The following DPP6 variants were observed in gnomAD, a reference collection of about 807,000 sequenced individuals.
The protein encoded by DPP6 is A-type potassium channel modulatory protein DPP6.
DPP6 carries 69 observed loss-of-function variants against 122.6 expected under a neutral mutation model. The ratio of observed to expected loss-of-function variants is 0.56; its 90% CI spans 0.46 to 0.69. The LOEUF is 0.69. DPP6 is among the 30% of genes least tolerant of loss of function. The probability of loss-of-function intolerance (pLI) is 0.00; values close to 1 mark genes in which losing one functional copy is unlikely to be tolerated. For synonymous variants in DPP6, 418 were observed against 433.1 expected (o/e 0.97, Z 0.43); for missense variants, 928 against 1,116.9 (o/e 0.83, Z 2.41).
chr7:153,787,834 T>A, the DPP6 span, among the ~76,000 whole-genome samples: 1 of 42,000 alleles, frequency 2.4e-5, no homozygotes, highest in Middle Eastern at 9.4e-3. Context: ...TGATTTACAA[T>A]TTCTTTTTTT....
intron 5 of DPP6, among the ~76,000 whole-genome samples, chr7:154,578,269 A>G (rs1831814072): frequency 1.3e-5 from 2 of 152,152 alleles, no homozygotes; most frequent in South Asian, 4.1e-4. Context: ...TGTTTTTCAC[A>G]GTAAGGCAAC....
chr7:153,763,679 C>A, the DPP6 span, among the ~76,000 whole-genome samples: 1 of 152,108 alleles, frequency 6.6e-6, no homozygotes, highest in African/African-American at 2.4e-5. Flanking sequence ...TGTTATAGAG[C>A]TGGATTTGGG....
At chr7:154,709,371 T>C (rs922637763) in intron 7 of DPP6, among the ~76,000 whole-genome samples, 15 of 151,978 alleles carry the variant, frequency 9.9e-5, no homozygotes, top group Non-Finnish European at 1.6e-4. Flanking sequence ...GTTGTTGTTG[T>C]TGTTGTTGTT....
intron 18 of DPP6, 89 bp from the exon 19 acceptor site, chr7:154,872,535 C>G: frequency 6.6e-7 from 1 of 1,514,414 alleles, no homozygotes; most frequent in Non-Finnish European, 8.9e-7. Context: ...ACCCAGAGCA[C>G]CCTCACCCCC....
At chr7:154,305,240 T>C in intron 1 of DPP6, 1 of 1,248,100 alleles carries the variant, frequency 8.0e-7, no homozygotes, top group Non-Finnish European at 1.0e-6. Context: ...TTGCAGAGGC[T>C]GTTGCTAATT....
chr7:154,548,951 GA>G lies in DPP6; in HGVS notation c.552+8329del, dbSNP rs1366047741. ...TCGGAAATGGCATAATAGGCAAAATGAAAAGGGTGGATAATTCCACATTTCA... is the reference window on the plus strand; with the variant it reads ...TCGGAAATGGCATAATAGGCAAAATGAAAGGGTGGATAATTCCACATTTCA... On this transcript the variant is annotated intron_variant, in intron 4 of 25. Transcript: ENST00000377770. 1.1e-4 allele frequency among the ~76,000 whole-genome samples: 16 copies of G among 152,294 alleles called. No homozygotes were observed. In the East Asian group the frequency reaches 3.1e-3, roughly 29 times the overall value.
intron 6 of DPP6, among the ~76,000 whole-genome samples, chr7:154,663,876 C>G (rs71542535): frequency 0.13 from 11,964 of 91,622 alleles, 87 homozygotes; most frequent in Non-Finnish European, 0.2. Context: ...GGCGTATTGG[C>G]CGTAGTGTTC....
At chr7:154,852,109 C>A (rs1020653377) in intron 16 of DPP6, among the ~76,000 whole-genome samples, 3 of 152,198 alleles carry the variant, frequency 2.0e-5, no homozygotes, top group Admixed American at 2.0e-4. Context: ...GGTGTCCACT[C>A]TGGGGCCTCT....
At chr7:153,930,431 A>G (rs1004141144) in intron 1 of DPP6, among the ~76,000 whole-genome samples, 1 of 152,150 alleles carries the variant, frequency 6.6e-6, no homozygotes, top group African/African-American at 2.4e-5. Flanking sequence ...TCTCAGCAGG[A>G]TATGGCTCCT....
chr7:154,132,547 A>T (rs1201917453), intron 1 of DPP6, among the ~76,000 whole-genome samples: 1 of 151,546 alleles, frequency 6.6e-6, no homozygotes, highest in Admixed American at 6.6e-5. Context: ...CTTCCTCCTC[A>T]CTTCCCATGA....
chr7:154,348,758 A>G (rs1372676844), intron 1 of DPP6, among the ~76,000 whole-genome samples: 1 of 152,236 alleles, frequency 6.6e-6, no homozygotes, highest in Non-Finnish European at 1.5e-5. Flanking sequence ...AATATCCTTA[A>G]TGATTTGATA....
intron 1 of DPP6, among the ~76,000 whole-genome samples, chr7:154,018,746 T>C (rs1250136297): frequency 1.3e-5 from 2 of 152,216 alleles, no homozygotes; most frequent in African/African-American, 4.8e-5. Flanking sequence ...TGAGCACATT[T>C]GCATGAGCAG....
chr7:154,072,084 C>T (rs1413761975), intron 1 of DPP6, among the ~76,000 whole-genome samples: 2 of 152,160 alleles, frequency 1.3e-5, no homozygotes, highest in African/African-American at 4.8e-5. Context: ...AGTTTCCTGG[C>T]ATTGCAAAAG....
rs189985620 is a variant in DPP6, at chr7:154,213,475, T to G, written c.243+160412T>G. On this transcript the variant is annotated intron_variant, in intron 1 of 25. Transcript: ENST00000377770. ...CCCTGAGTGTTCAGTGAGGAATTGC[T>G]GCAAGGACAAAGAGTTCCCAATGTA... Among the ~76,000 whole-genome samples, 6 of 152,334 alleles carry G rather than the reference T, an allele frequency of 3.9e-5. No homozygotes were observed. In the East Asian group the frequency reaches 1.2e-3, roughly 29 times the overall value.
In DPP6 at chr7:154,061,618, G is replaced by A. The variant is rs1367727619; in HGVS notation, c.243+8555G>A. 1.0e-4 allele frequency among the ~76,000 whole-genome samples: 13 copies of A among 128,438 alleles called. 2 individuals are homozygous for A. Among genetic ancestry groups the A allele is most frequent in the Admixed American group, 4.4e-4 (6 of 13,488 alleles). The allele number at this position is 128,438 out of a possible 152,430, so 84.3% of individuals were successfully genotyped here. A position where few individuals can be genotyped will look rare whatever the true frequency, so the allele number is the denominator to read the frequency against. On this transcript the variant is annotated intron_variant, in intron 1 of 25. Coordinates refer to ENST00000377770, the MANE Select transcript of DPP6 (RefSeq NM_130797.4). Reference sequence around the variant, plus strand: ...CCTGGCTCTTGGGACTCCCATCACAGGGGGGGGAGGCACCCGCTGCGAGGC... The same window carrying A: ...CCTGGCTCTTGGGACTCCCATCACAAGGGGGGGAGGCACCCGCTGCGAGGC...
chr7:154,740,099 G>A (rs1298873384), intron 8 of DPP6, among the ~76,000 whole-genome samples: 1 of 152,118 alleles, frequency 6.6e-6, no homozygotes, highest in Non-Finnish European at 1.5e-5. Flanking sequence ...CTTGAGAAAT[G>A]TCCTTACAAT....
the DPP6 span, among the ~76,000 whole-genome samples, chr7:153,792,737 T>G: frequency 0.47 from 66,027 of 140,246 alleles, 14,146 homozygotes; most frequent in South Asian, 0.56. Context: ...GCACTGATAT[T>G]GTCTGGCTGT....
At chr7:154,216,190 A>G (rs1166613516) in intron 1 of DPP6, among the ~76,000 whole-genome samples, 1 of 152,216 alleles carries the variant, frequency 6.6e-6, no homozygotes, top group Non-Finnish European at 1.5e-5. Context: ...TAACTCAGGG[A>G]GGAGACCACA....
chr7:154,868,972 A>C (rs1804130901), intron 18 of DPP6, among the ~76,000 whole-genome samples: 1 of 152,216 alleles, frequency 6.6e-6, no homozygotes, highest in South Asian at 2.1e-4. Flanking sequence ...TCATGCAGAC[A>C]CCACTTACCC....
Sources: allele counts gnomAD v4.1 joint callset (sites outside exome capture counted in the v4.1 genomes callset), GRCh38; gene constraint gnomAD v4.1.1; transcripts MANE v1.5; gene names NCBI Gene and HGNC (gene_info 2026-07-23, HGNC 2026-07-21).